FBXO42: variants seen among roughly 807,000 people sequenced by gnomAD.
FBXO42 encodes the protein F-box protein 42.
In FBXO42, 12 loss-of-function variants were observed where a neutral mutation model predicts 71.7. The ratio of observed to expected loss-of-function variants is 0.17; its 90% CI spans 0.11 to 0.27. The LOEUF (loss-of-function observed/expected upper bound fraction) is 0.27. Among genes scored for constraint, FBXO42 ranks in the 10% least tolerant of loss-of-function variants. The pLI, the probability that FBXO42 is intolerant of heterozygous loss-of-function variation, is 1.00. For synonymous variants in FBXO42, 325 were observed against 327.5 expected, an observed-to-expected ratio of 0.99 and a Z score of 0.08; for missense variants, 707 against 911.9, an observed-to-expected ratio of 0.78 and a Z score of 2.89.
chr1:16,277,737 A>AG (rs968858535), intron 4 of FBXO42, among the ~76,000 whole-genome samples: 3 of 151,440 alleles, frequency 2.0e-5, no homozygotes, highest in Non-Finnish European at 4.4e-5. Flanking sequence ...AAAAAAAAAA[A>AG]AATTAAAAAA....
At chr1:16,325,878 G>A (rs183390867) in intron 1 of FBXO42, among the ~76,000 whole-genome samples, 1 of 152,158 alleles carries the variant, frequency 6.6e-6, no homozygotes, top group African/African-American at 2.4e-5. Context: ...TGCCCACCTC[G>A]GTCTCCTAGA....
At chr1:16,348,390 T>C (rs192376143) in intron 1 of FBXO42, among the ~76,000 whole-genome samples, 3 of 152,254 alleles carry the variant, frequency 2.0e-5, no homozygotes, top group Non-Finnish European at 4.4e-5. Context: ...CCAATCCACA[T>C]AGATTCTATA....
At chr1:16,321,709 T>TTA (rs1553154459) in intron 1 of FBXO42, among the ~76,000 whole-genome samples, 1 of 143,988 alleles carries the variant, frequency 6.9e-6, no homozygotes, top group Non-Finnish European at 1.5e-5. Context: ...TTTTTTTTTT[T>TTA]AAAGATAGGG....
chr1:16,276,539 C>T (rs2081905824), intron 4 of FBXO42, among the ~76,000 whole-genome samples: 1 of 152,116 alleles, frequency 6.6e-6, no homozygotes, highest in Non-Finnish European at 1.5e-5. Flanking sequence ...GAGGGTCATT[C>T]CTGGGAAGCA....
At position 16,252,230 on chromosome 1, in the gene FBXO42, T is replaced by C. The variant is rs2081599222; in HGVS notation, c.1038+58A>G. On this transcript the variant is annotated intron_variant, in intron 9 of 9. Coordinates refer to ENST00000375592, the MANE Select transcript of FBXO42 (RefSeq NM_018994.3). This position sits in a 1 kb window ranked among gnomAD's most constrained non-coding sequence, Gnocchi z 4.4. ...ATTTCTTTGTAACCTGACAAAGTAA[T>C]GTGGTTTTCCACAATTTAGGACCTG... The C allele has an allele frequency of 7.8e-7, 1 of 1,285,398 alleles. No individual in the cohort carries two copies. 79.6% of individuals were successfully genotyped at this position (1,285,398 alleles called of 1,614,324 possible).
rs1162537352 is a variant in FBXO42, at chr1:16,278,362, AAAAAAAC to A, written c.502+16414_502+16420del. 6.6e-5 allele frequency among the ~76,000 whole-genome samples: 10 copies of A among 152,090 alleles called. No homozygotes were observed. In the East Asian group the frequency reaches 1.9e-3, roughly 29 times the overall value. On this transcript the variant is annotated intron_variant, in intron 4 of 9. Transcript: ENST00000375592. ...ACAAGAGCGAAACTCCATCTCAAAAAAAAAAACAAAAAACAAAACAAAAAAAACCACA... is the reference window on the plus strand; with the variant it reads ...ACAAGAGCGAAACTCCATCTCAAAAAAAAAAACAAAACAAAAAAAACCACA...
At chr1:16,303,647 A>C (rs1393465198) in intron 3 of FBXO42, among the ~76,000 whole-genome samples, 1 of 151,632 alleles carries the variant, frequency 6.6e-6, no homozygotes, top group Non-Finnish European at 1.5e-5. Flanking sequence ...GACTCACTGC[A>C]ACCTCCGCCT....
intron 1 of FBXO42, among the ~76,000 whole-genome samples, chr1:16,327,737 C>G (rs1167751688): frequency 6.6e-6 from 1 of 152,190 alleles, no homozygotes; most frequent in African/African-American, 2.4e-5. Flanking sequence ...GAGTCTCGCT[C>G]TGTTGCCCAG....
At chr1:16,344,486 C>T (rs1418168399) in intron 1 of FBXO42, among the ~76,000 whole-genome samples, 1 of 87,160 alleles carries the variant, frequency 1.1e-5, no homozygotes, top group African/African-American at 4.4e-5. Flanking sequence ...ACCCAGCTAA[C>T]TTTTTTTTTT....
In FBXO42 at chr1:16,252,471, G is replaced by T; in HGVS notation, c.922-67C>A. 8.1e-7 allele frequency: 1 copy of T among 1,236,338 alleles called. No individual in the cohort carries two copies. The highest frequency in any genetic ancestry group is 1.2e-6 in the Non-Finnish European group (1 of 844,422). The allele number at this position is 1,236,338 out of a possible 1,614,324, so 76.6% of individuals were successfully genotyped here. A position where few individuals can be genotyped will look rare whatever the true frequency, so the allele number is the denominator to read the frequency against. ...GCGTTCCAAAACACACACACACAGA[G>T]TTGCAGTCTCAAAGCTCTCCTGTCT... is the stretch of plus-strand genomic sequence containing the variant. On this transcript the variant is annotated intron_variant, in intron 8 of 9. Transcript: ENST00000375592. This position sits in a 1 kb window ranked among gnomAD's most constrained non-coding sequence, Gnocchi z 4.4.
At chr1:16,330,274 A>G (rs183504940) in intron 1 of FBXO42, among the ~76,000 whole-genome samples, 27 of 152,314 alleles carry the variant, frequency 1.8e-4, no homozygotes, top group Admixed American at 1.2e-3. Flanking sequence ...TAATCCCAGC[A>G]CTTTGAGACG....
chr1:16,338,026 G>A (rs140511676), intron 1 of FBXO42, among the ~76,000 whole-genome samples: 2,946 of 151,834 alleles, frequency 0.019, 79 homozygotes, highest in African/African-American at 0.068. Context: ...TTGGGAGGCC[G>A]AGGCAGGTGG....
In FBXO42 at chr1:16,278,407, A is replaced by C. The variant is rs2081927708; in HGVS notation, c.502+16376T>G. 2.0e-5 allele frequency among the ~76,000 whole-genome samples: 3 copies of C among 152,086 alleles called. No individual in the cohort carries two copies. In the South Asian group the frequency reaches 6.2e-4, roughly 32 times the overall value. On this transcript the variant is annotated intron_variant, in intron 4 of 9. Transcript: ENST00000375592. ...AAAAAAAACCACATCCAGCTGTTTCAATGTTAGCACCGACGTTTGGGACCT... is the reference window on the plus strand; with the variant it reads ...AAAAAAAACCACATCCAGCTGTTTCCATGTTAGCACCGACGTTTGGGACCT...
chr1:16,267,705 C>T (rs557548419), intron 4 of FBXO42, among the ~76,000 whole-genome samples: 1 of 152,304 alleles, frequency 6.6e-6, no homozygotes, highest in Non-Finnish European at 1.5e-5. Context: ...TACTGATTGA[C>T]ATCAACATTC....
intron 1 of FBXO42, among the ~76,000 whole-genome samples, chr1:16,325,811 A>C (rs60722098): frequency 0.027 from 4,044 of 152,076 alleles, 184 homozygotes; most frequent in African/African-American, 0.09. Context: ...TTTTTAGTAA[A>C]GACAGGGTTT....
intron 7 of FBXO42, 44 bp downstream of exon 7, chr1:16,253,591 G>A (rs764135682): frequency 2.1e-5 from 33 of 1,584,652 alleles, no homozygotes; most frequent in Non-Finnish European, 2.9e-5. Context: ...CTAACTGAAA[G>A]ACGCTACAGT....
chr1:16,305,445 G>A lies in FBXO42; in HGVS notation c.367+358C>T, dbSNP rs1161010708. On this transcript the variant is annotated intron_variant, in intron 3 of 9. Transcript: ENST00000375592. The stretch of plus-strand genomic sequence containing the variant: ...AAAATACATGCCTTGGCTGGGTGTC[G>A]TGGCTCACGTTATGTAATCCCAGCA... Among the ~76,000 whole-genome samples the A allele has an allele frequency of 4.6e-5, 7 of 152,268 alleles. No homozygotes were observed. The South Asian group carries it at 1.0e-3, about 23-fold the overall frequency.
At chr1:16,333,452 T>C in intron 1 of FBXO42, among the ~76,000 whole-genome samples, 2 of 126,412 alleles carry the variant, frequency 1.6e-5, no homozygotes, top group African/African-American at 2.9e-5. Flanking sequence ...CCCCCCCATT[T>C]CCAAGAAGAA....
rs2081543456 is a variant in FBXO42 at position 16,247,272 on chromosome 1, G to C, written c.*3398C>G. 1.3e-5 allele frequency: 2 copies of C among 152,284 alleles called. No homozygotes were observed. The highest frequency in any genetic ancestry group is 4.1e-4 in the South Asian group (2 of 4,840). 9.4% of individuals were successfully genotyped at this position (152,284 alleles called of 1,614,324 possible). ...TTCAGCTTCCTCACCACCAGGCGTG[G>C]TTAGATCCTCCCCACTGACTTGTGC... On this transcript the variant is annotated 3_prime_UTR_variant, in exon 10 of 10. Transcript: ENST00000375592.
Sources: gnomAD v4.1 joint callset for allele counts (sites outside exome capture counted in the v4.1 genomes callset) on GRCh38, gnomAD v4.1.1 for gene constraint, Gnocchi (gnomAD v3.1) non-coding constraint, MANE v1.5 for transcripts, NCBI Gene and HGNC (gene_info 2026-07-23, HGNC 2026-07-21) for gene names.